The following SNAP91 variants were observed in gnomAD, a reference collection of about 807,000 sequenced individuals.
SNAP91 encodes clathrin coat assembly protein AP180.
A neutral mutation model predicts 100.3 loss-of-function variants in SNAP91; 27 were observed. That is an observed-to-expected ratio of 0.27 (90% CI 0.20 to 0.37). The LOEUF (loss-of-function observed/expected upper bound fraction) is 0.37. Among genes scored for constraint, SNAP91 ranks in the 10% least tolerant of loss-of-function variants. SNAP91 has a pLI of 1.00. For synonymous variants in SNAP91, 404 were observed against 398.6 expected, an observed-to-expected ratio of 1.01 and a Z score of -0.16; for missense variants, 986 against 1,123.7, an observed-to-expected ratio of 0.88 and a Z score of 1.75.
rs978401692 is a variant in SNAP91, at chr6:83,601,125, G to T, written c.1324+146C>A. On this transcript the variant is annotated intron_variant, in intron 16 of 29. Transcript: ENST00000369694. ...TGAAGAGAAAGTTGATGAATTTAGT[G>T]AAGATAAATATACATGAATAAACAT... 6 of 668,700 alleles carry T rather than the reference G, an allele frequency of 9.0e-6. No individual in the cohort carries two copies. The African/African-American group carries it at 9.0e-5, about 10-fold the overall frequency. The allele number at this position is 668,700 out of a possible 1,614,324, so 41.4% of individuals were successfully genotyped here.
rs1164323932 is a variant in SNAP91 at position 83,554,065 on chromosome 6, A to G, written c.*231T>C. ...CCATTCATTGTTTACATCGTACAAT[A>G]CACAAATAATCCAAATACACTACAA... On this transcript the variant is annotated 3_prime_UTR_variant, in exon 30 of 30. Transcript: ENST00000369694. 1 of 157,928 alleles carries G rather than the reference A, an allele frequency of 6.3e-6. No individual in the cohort carries two copies. Among genetic ancestry groups the G allele is most frequent in the Non-Finnish European group, 1.4e-5 (1 of 70,052 alleles). The allele number at this position is 157,928 out of a possible 1,614,324, so 9.8% of individuals were successfully genotyped here.
intron 24 of SNAP91, among the ~76,000 whole-genome samples, chr6:83,578,667 C>T (rs541401783): frequency 6.6e-6 from 1 of 152,076 alleles, no homozygotes; most frequent in African/African-American, 2.4e-5. Context: ...ATATTTTCTC[C>T]CATTCTATGG....
intron 2 of SNAP91, among the ~76,000 whole-genome samples, chr6:83,672,213 T>G (rs1469018688): frequency 1.3e-5 from 2 of 152,092 alleles, no homozygotes; most frequent in Non-Finnish European, 2.9e-5. Flanking sequence ...AGAGAGCTCA[T>G]CTCTCAAGAT....
At chr6:83,624,878 T>C (rs947114833) in intron 8 of SNAP91, among the ~76,000 whole-genome samples, 5 of 152,136 alleles carry the variant, frequency 3.3e-5, no homozygotes, top group African/African-American at 1.2e-4. Context: ...AATATTATTA[T>C]TTCTTTTTAA....
chr6:83,625,506 A>G (rs217345), intron 8 of SNAP91, among the ~76,000 whole-genome samples: 126,722 of 152,126 alleles, frequency 0.83, 53,203 homozygotes, highest in East Asian at 0.96. Flanking sequence ...CACCAACAGT[A>G]TATATGAGTT....
intron 2 of SNAP91, among the ~76,000 whole-genome samples, chr6:83,700,340 A>AG (rs953560575): frequency 4.3e-4 from 66 of 152,218 alleles, no homozygotes; most frequent in African/African-American, 1.5e-3. Context: ...ATGGAGAAGA[A>AG]GGGCCAAATC....
intron 2 of SNAP91, among the ~76,000 whole-genome samples, chr6:83,668,822 C>A (rs149855257): frequency 2.6e-4 from 40 of 152,082 alleles, no homozygotes; most frequent in African/African-American, 9.4e-4. Flanking sequence ...AGTCTTGAGA[C>A]CAGTTTGAGA....
At chr6:83,707,673 T>C (rs1303717456) in intron 2 of SNAP91, 125 bp downstream of exon 2, 2 of 1,319,076 alleles carry the variant, frequency 1.5e-6, no homozygotes, top group Non-Finnish European at 2.1e-6. Context: ...GAATTTCAGC[T>C]CAGGGGCAAC....
chr6:83,630,983 T>C (rs1390463607), intron 8 of SNAP91, among the ~76,000 whole-genome samples: 2 of 152,150 alleles, frequency 1.3e-5, no homozygotes, highest in African/African-American at 4.8e-5. Flanking sequence ...TTTAGGGCTA[T>C]GACCTTTCCT....
At chr6:83,626,822 T>G (rs1461110299) in intron 8 of SNAP91, among the ~76,000 whole-genome samples, 1 of 152,088 alleles carries the variant, frequency 6.6e-6, no homozygotes, top group Non-Finnish European at 1.5e-5. Context: ...ATAGTTTGAC[T>G]TCCTCTTTTC....
chr6:83,639,359 T>C (rs1469680330), intron 8 of SNAP91, among the ~76,000 whole-genome samples: 1 of 152,182 alleles, frequency 6.6e-6, no homozygotes, highest in Admixed American at 6.5e-5. Context: ...TTATGAACAA[T>C]GTGATTTAAA....
At chr6:83,575,706 G>C (rs1260641881) in intron 25 of SNAP91, 1 of 272,864 alleles carries the variant, frequency 3.7e-6, no homozygotes, top group African/African-American at 2.2e-5. Flanking sequence ...ATTCATGTTA[G>C]CTAGAACTAT....
At chr6:83,664,169 G>A (rs910766083) in intron 3 of SNAP91, among the ~76,000 whole-genome samples, 3 of 152,102 alleles carry the variant, frequency 2.0e-5, no homozygotes, top group African/African-American at 4.8e-5. Flanking sequence ...AGCTCTGATG[G>A]AGATGCACAA....
intron 11 of SNAP91, among the ~76,000 whole-genome samples, chr6:83,613,471 T>C (rs1037471308): frequency 6.6e-6 from 1 of 152,248 alleles, no homozygotes; most frequent in African/African-American, 2.4e-5. Context: ...CAGAGTTGGC[T>C]TCTGCCATGA....
At chr6:83,707,657 G>A (rs948839371) in intron 2 of SNAP91, 141 bp downstream of exon 2, 22 of 1,150,914 alleles carry the variant, frequency 1.9e-5, no homozygotes, top group Non-Finnish European at 2.3e-5. Flanking sequence ...CACCTTCACA[G>A]CTGAAGAATT....
chr6:83,684,207 C>T (rs561847261), intron 2 of SNAP91, among the ~76,000 whole-genome samples: 31 of 152,292 alleles, frequency 2.0e-4, no homozygotes, highest in African/African-American at 7.5e-4. Flanking sequence ...TGCATCTGGA[C>T]TGGCATTAAA....
intron 26 of SNAP91, among the ~76,000 whole-genome samples, chr6:83,565,449 C>T (rs1490987323): frequency 1.3e-5 from 2 of 152,164 alleles, no homozygotes. Flanking sequence ...TGTTCCTTTG[C>T]TAAGATGCCA....
chr6:83,678,976 AT>A (rs895091064), intron 2 of SNAP91: 4 of 873,580 alleles, frequency 4.6e-6, no homozygotes, highest in Non-Finnish European at 5.9e-6. Context: ...CTGGCCTTCT[AT>A]ATCCACAAGG....
intron 7 of SNAP91, among the ~76,000 whole-genome samples, chr6:83,655,016 C>T (rs2098357200): frequency 6.6e-6 from 1 of 152,120 alleles, no homozygotes; most frequent in Non-Finnish European, 1.5e-5. Flanking sequence ...TGTCATACTC[C>T]CATAGGATAT....
Sources: gnomAD v4.1 joint callset for allele counts (sites outside exome capture counted in the v4.1 genomes callset) on GRCh38, gnomAD v4.1.1 for gene constraint, MANE v1.5 for transcripts, NCBI Gene and HGNC (gene_info 2026-07-23, HGNC 2026-07-21) for gene names.